The following ZNF106 variants were observed in gnomAD, a reference collection of about 807,000 sequenced individuals.
ZNF106 encodes the protein SH3-domain binding protein 3.
In ZNF106, 67 loss-of-function variants were observed where a neutral mutation model predicts 195.1. The ratio of observed to expected loss-of-function variants is 0.34; its 90% CI spans 0.28 to 0.42. The LOEUF (loss-of-function observed/expected upper bound fraction) is 0.42, where lower values mean the gene tolerates loss of function less well. ZNF106 is among the 10% of genes least tolerant of loss of function. ZNF106 has a pLI of 1.00. For synonymous variants in ZNF106, 784 were observed against 818.6 expected, an observed-to-expected ratio of 0.96 and a Z score of 0.72; for missense variants, 2,118 against 2,304.5, an observed-to-expected ratio of 0.92 and a Z score of 1.66.
In ZNF106 at chr15:42,444,927, C is replaced by A. The variant is rs943231262; in HGVS notation, c.3260G>T (p.Ser1087Ile). 1 of 1,614,214 alleles carries A rather than the reference C, an allele frequency of 6.2e-7. No individual in the cohort carries two copies. Among genetic ancestry groups the A allele is most frequent in the Non-Finnish European group, 8.5e-7 (1 of 1,180,040 alleles). The change falls in exon 8 of 22, where the codon AGT becomes ATT. Residue 1087 changes from serine to isoleucine, a missense_variant. Transcript: ENST00000564754. ...GTTATCCATGCACTGCAATGACTTA[C>A]TAAGTTCTTCCTCCCTTAAAGAAAT... is the stretch of plus-strand genomic sequence containing the variant. ...LNISLREEEL[S>I]KSLQCMDNNL...
chr15:42,449,919 C>T lies in ZNF106; in HGVS notation c.2353G>A (p.Gly785Ser), dbSNP rs773099483. The change falls in exon 5 of 22, where the codon GGT becomes AGT. Residue 785 changes from glycine (G) to serine (S), a missense_variant. Gly to Ser is a moderately conservative substitution (Grantham distance 56). Transcript: ENST00000564754. ...TTCTCTGTCTCACTCTTTCGGTGACCGCTAATATTGCGAATGCGGCGGGCA... is the reference window on the plus strand; with the variant it reads ...TTCTCTGTCTCACTCTTTCGGTGACTGCTAATATTGCGAATGCGGCGGGCA... ...NSARRIRNIS[G>S]HRKSETEKES... 1.8e-5 allele frequency: 29 copies of T among 1,614,100 alleles called. No homozygotes were observed. The highest frequency in any genetic ancestry group is 1.6e-4 in the Middle Eastern group (1 of 6,062).
chr15:42,444,348 C>A, intron 8 of ZNF106, 86 bp from the exon 9 acceptor site: 1 of 1,059,190 alleles, frequency 9.4e-7, no homozygotes, highest in Non-Finnish European at 1.4e-6. Flanking sequence ...ATGTCCTGAC[C>A]AAAAATCAGA....
Position 42,424,040 on chromosome 15 carries a change from G to C in ZNF106, c.5211C>G (p.Phe1737Leu). ...GGACTGACTGATCACTGGAGCCACT[G>C]AACACGAGATCATTCACCACCTTAA... Reference protein sequence around the residue: ...LCMKVVNDLVFSGSSDQSVHA... With the variant: ...LCMKVVNDLVLSGSSDQSVHA... The change falls in exon 17 of 22, where the codon TTC becomes TTG. Residue 1737 changes from phenylalanine (F) to leucine (L), a missense_variant. Coordinates refer to ENST00000564754, the MANE Select transcript of ZNF106 (RefSeq NM_001366845.3). The C allele has an allele frequency of 1.9e-6, 3 of 1,613,292 alleles. No homozygotes were observed. The highest frequency in any genetic ancestry group is 2.5e-6 in the Non-Finnish European group (3 of 1,179,742).
At chr15:42,441,554 A>G (rs1373208679) in intron 10 of ZNF106, among the ~76,000 whole-genome samples, 1 of 152,192 alleles carries the variant, frequency 6.6e-6, no homozygotes, top group Non-Finnish European at 1.5e-5. Flanking sequence ...CGTATTCTCA[A>G]ATGATAACCA....
intron 3 of ZNF106, among the ~76,000 whole-genome samples, chr15:42,464,245 C>T (rs2056461047): frequency 6.8e-6 from 1 of 147,432 alleles, no homozygotes; most frequent in Non-Finnish European, 1.5e-5. Context: ...GAGGGTGAAG[C>T]AGGAGAATCG....
rs865804786 is a variant in ZNF106 at position 42,464,789 on chromosome 15, C to T, written c.116+1264G>A. Among the ~76,000 whole-genome samples, 5 of 152,118 alleles carry T rather than the reference C, an allele frequency of 3.3e-5. No homozygotes were observed. In the South Asian group the frequency reaches 1.0e-3, roughly 31 times the overall value. On this transcript the variant is annotated intron_variant, in intron 3 of 21. Coordinates refer to ENST00000564754, the MANE Select transcript of ZNF106 (RefSeq NM_001366845.3). Reference sequence around the variant, plus strand: ...TCACCTTGAATTGCAATAATCCTCACATCTCAAGGGTAGGGCCAGGTGGAG... The same window carrying T: ...TCACCTTGAATTGCAATAATCCTCATATCTCAAGGGTAGGGCCAGGTGGAG...
intron 15 of ZNF106, chr15:42,427,738 G>A (rs889554347): frequency 7.8e-6 from 2 of 254,820 alleles, no homozygotes; most frequent in African/African-American, 4.3e-5. Context: ...AATTGAGACA[G>A]ACTAGTTTAA....
In ZNF106 at chr15:42,448,122, C is replaced by T. The variant is rs1223500291; in HGVS notation, c.3085G>A (p.Ala1029Thr). The change falls in exon 6 of 22, where the codon GCT (alanine) becomes ACT (threonine). Residue 1029 changes from alanine to threonine, a missense_variant. By Grantham distance (58) the Ala-to-Thr change is moderately conservative (BLOSUM62 0). Coordinates refer to ENST00000564754, the MANE Select transcript of ZNF106 (RefSeq NM_001366845.3). ...ATACTTTGGCCATCATTTTGTTCAG[C>T]ACCAGAGGTACAGCTACTATCTGTG... ...AATDSSCTSG[A>T]EQNDGQSIRK... The T allele has an allele frequency of 6.2e-7, 1 of 1,614,178 alleles. No homozygotes were observed.
At chr15:42,470,582 C>A (rs1468585143) in intron 2 of ZNF106, among the ~76,000 whole-genome samples, 2 of 151,966 alleles carry the variant, frequency 1.3e-5, no homozygotes, top group African/African-American at 2.4e-5. Context: ...TAATTCCAGC[C>A]CTTCATTTAA....
chr15:42,485,336 C>G (rs1225364263), intron 1 of ZNF106, among the ~76,000 whole-genome samples: 1 of 152,194 alleles, frequency 6.6e-6, no homozygotes, highest in African/African-American at 2.4e-5. Flanking sequence ...TTAGTTTCAT[C>G]TAGCTATTCC....
intron 6 of ZNF106, among the ~76,000 whole-genome samples, chr15:42,447,765 T>C (rs980575377): frequency 4.0e-4 from 61 of 152,224 alleles, no homozygotes; most frequent in African/African-American, 1.4e-3. Context: ...TGAAAACAGA[T>C]TGGGTTACAG....
At chr15:42,442,611 A>G (rs1487210321) in intron 9 of ZNF106, among the ~76,000 whole-genome samples, 197 bp from the exon 10 acceptor site, 3 of 144,922 alleles carry the variant, frequency 2.1e-5, no homozygotes, top group East Asian at 3.9e-4. Flanking sequence ...AGGCATCAAC[A>G]TTCTTTTTTT....
rs1315324263 is a variant in ZNF106 at position 42,415,906 on chromosome 15, A to G, written c.*1398T>C. ...GCGCCCACCACGCCCGGCTTTTTGT[A>G]TTTTTAGTAGAGACGGGGTTTTGCC... On this transcript the variant is annotated 3_prime_UTR_variant, in exon 22 of 22. Transcript: ENST00000564754. 2 of 152,440 alleles carry G rather than the reference A, an allele frequency of 1.3e-5. No individual in the cohort carries two copies. The highest frequency in any genetic ancestry group is 2.4e-5 in the African/African-American group (1 of 41,132). 9.4% of individuals were successfully genotyped at this position (152,440 alleles called of 1,614,324 possible).
chr15:42,484,187 T>C (rs2056962040), intron 1 of ZNF106, among the ~76,000 whole-genome samples: 1 of 152,362 alleles, frequency 6.6e-6, no homozygotes, highest in South Asian at 2.1e-4. Context: ...TAAAGATATT[T>C]TGTACCCCCT....
intron 8 of ZNF106, 66 bp from the exon 9 acceptor site, chr15:42,444,328 T>G (rs2055681121): frequency 7.7e-7 from 1 of 1,298,858 alleles, no homozygotes. Flanking sequence ...GGTCTCCCCA[T>G]TTTTCTTCTA....
intron 3 of ZNF106, chr15:42,457,700 T>A (rs1250425771): frequency 4.0e-6 from 1 of 248,378 alleles, no homozygotes; most frequent in Non-Finnish European, 6.5e-6. Context: ...ACCCCAGGAG[T>A]AGTCCAGGCA....
chr15:42,473,105 G>A (rs59091866), intron 1 of ZNF106, among the ~76,000 whole-genome samples: 10,897 of 151,890 alleles, frequency 0.072, 844 homozygotes, highest in Admixed American at 0.16. Context: ...ATCCAAAACC[G>A]GAAACTTTTT....
At chr15:42,455,187 G>T (rs919482571) in intron 4 of ZNF106, among the ~76,000 whole-genome samples, 13 of 152,204 alleles carry the variant, frequency 8.5e-5, no homozygotes, top group African/African-American at 3.1e-4. Context: ...CATGTGGTTT[G>T]AGTGTCCCGT....
chr15:42,456,887 C>T, intron 4 of ZNF106, 71 bp downstream of exon 4: 2 of 1,427,844 alleles, frequency 1.4e-6, no homozygotes, highest in Non-Finnish European at 1.9e-6. Flanking sequence ...CTGACCAGTA[C>T]AAAGATATAA....
Sources: allele counts gnomAD v4.1 joint callset (sites outside exome capture counted in the v4.1 genomes callset), GRCh38; gene constraint gnomAD v4.1.1; transcripts MANE v1.5; gene names NCBI Gene and HGNC (gene_info 2026-07-23, HGNC 2026-07-21).